SHANK2: variants seen among roughly 807,000 people sequenced by gnomAD.
SHANK2 encodes SH3 and multiple ankyrin repeat domains 2.
Under a neutral mutation model 133.7 loss-of-function variants are expected in SHANK2, and 43 were observed. The ratio of observed to expected loss-of-function variants is 0.32; its 90% confidence interval spans 0.25 to 0.41. The LOEUF (loss-of-function observed/expected upper bound fraction) is 0.41, where lower values mean the gene tolerates loss of function less well. SHANK2 is among the 10% of genes least tolerant of loss of function. The pLI, the probability that SHANK2 is intolerant of heterozygous loss-of-function variation, is 1.00. For missense variants in SHANK2, 1,994 were observed against 2,235.8 expected (o/e 0.89, Z 2.18); for synonymous variants, 1,017 against 952.8 (o/e 1.07, Z -1.24).
intron 11 of SHANK2, among the ~76,000 whole-genome samples, chr11:70,876,923 A>T (rs1555071453): frequency 6.6e-6 from 1 of 152,192 alleles, no homozygotes; most frequent in Non-Finnish European, 1.5e-5. Flanking sequence ...CCATCTGGAC[A>T]CTGGCCAACA....
chr11:70,685,342 T>A (rs1945121612), intron 15 of SHANK2, among the ~76,000 whole-genome samples: 1 of 152,010 alleles, frequency 6.6e-6, no homozygotes, highest in Non-Finnish European at 1.5e-5. Context: ...GCCTCAGAGC[T>A]CCACGGGGCC....
chr11:70,707,512 G>C (rs1351850785), intron 14 of SHANK2, among the ~76,000 whole-genome samples: 1 of 151,918 alleles, frequency 6.6e-6, no homozygotes, highest in Non-Finnish European at 1.5e-5. Context: ...GACACACGTG[G>C]ACAGACAGAG....
chr11:70,656,580 TG>T (rs1311087223), intron 17 of SHANK2, among the ~76,000 whole-genome samples: 1 of 152,128 alleles, frequency 6.6e-6, no homozygotes, highest in Non-Finnish European at 1.5e-5. Flanking sequence ...GACGGCTTAG[TG>T]TCACTGTCTA....
chr11:71,186,940 C>T (rs1396955993), intron 2 of SHANK2, among the ~76,000 whole-genome samples: 3 of 152,196 alleles, frequency 2.0e-5, no homozygotes, highest in Admixed American at 1.3e-4. Context: ...TGGTTCAAGG[C>T]GAAGTCTGTG....
chr11:70,610,744 G>A (rs77679483), intron 17 of SHANK2, among the ~76,000 whole-genome samples: 2,632 of 152,308 alleles, frequency 0.017, 65 homozygotes, highest in African/African-American at 0.061. Flanking sequence ...TGGGGCTGGC[G>A]TGCAGGAAAA....
At position 70,699,568 on chromosome 11, in the gene SHANK2, A is replaced by G. The variant is rs115912750; in HGVS notation, c.1778-805T>C. Among the ~76,000 whole-genome samples the G allele has an allele frequency of 9.5e-3, 1,450 of 152,260 alleles. 22 individuals carry two copies. The highest frequency in any genetic ancestry group is 0.033 in the African/African-American group (1,388 of 41,552). ...GAAAATGGCCCAAAGTTTAATCTAA[A>G]CTCTGTAAACAACCTTCTCTGTTGT... On this transcript the variant is annotated intron_variant, in intron 14 of 25. Coordinates refer to ENST00000601538, the MANE Select transcript of SHANK2 (RefSeq NM_012309.5).
chr11:70,912,839 G>A (rs1950216499), intron 10 of SHANK2, among the ~76,000 whole-genome samples: 1 of 152,030 alleles, frequency 6.6e-6, no homozygotes, highest in Non-Finnish European at 1.5e-5. Context: ...GTTTTATTTG[G>A]TCAGCTTCTA....
At chr11:70,789,752 C>G (rs1591847677) in intron 14 of SHANK2, among the ~76,000 whole-genome samples, 1 of 152,176 alleles carries the variant, frequency 6.6e-6, no homozygotes, top group African/African-American at 2.4e-5. Context: ...GGCTGTGAGG[C>G]CCCCACTCCT....
chr11:70,502,730 T>TGGGGGGGGG, intron 18 of SHANK2, 66 bp downstream of exon 18: 10 of 772,448 alleles, frequency 1.3e-5, no homozygotes, highest in East Asian at 1.1e-4. Context: ...CCAGCTGTCC[T>TGGGGGGGGG]GCCCGCCCCC....
chr11:70,711,830 T>C (rs1945791133), intron 14 of SHANK2, among the ~76,000 whole-genome samples: 1 of 152,240 alleles, frequency 6.6e-6, no homozygotes. Flanking sequence ...AAGCACCTTC[T>C]GGGCTCCCGG....
At chr11:71,238,583 G>A (rs533707359) in intron 1 of SHANK2, among the ~76,000 whole-genome samples, 4 of 152,312 alleles carry the variant, frequency 2.6e-5, no homozygotes, top group African/African-American at 7.2e-5. Context: ...CAAAGATGTC[G>A]AGGTAAGAGC....
In SHANK2 at chr11:70,865,654, CTT is replaced by C. The variant is rs560731644; in HGVS notation, c.1174+30845_1174+30846del. Reference sequence around the variant, plus strand: ...ACAAGCATCCATCTCCAAAATTGCTCTTGAGTCTGCTAGCAAGGAGCCACAGG... The same window carrying C: ...ACAAGCATCCATCTCCAAAATTGCTCGAGTCTGCTAGCAAGGAGCCACAGG... On this transcript the variant is annotated intron_variant, in intron 11 of 25. Coordinates refer to ENST00000601538, the MANE Select transcript of SHANK2 (RefSeq NM_012309.5). 6.6e-5 allele frequency among the ~76,000 whole-genome samples: 10 copies of C among 152,324 alleles called. No individual in the cohort carries two copies. In the South Asian group the frequency reaches 1.7e-3, roughly 25 times the overall value.
At chr11:70,570,205 G>A (rs140758138) in intron 17 of SHANK2, among the ~76,000 whole-genome samples, 3 of 152,202 alleles carry the variant, frequency 2.0e-5, no homozygotes, top group South Asian at 2.1e-4. Context: ...TGGCGGCCAC[G>A]CCGACCCGCA....
intron 17 of SHANK2, among the ~76,000 whole-genome samples, chr11:70,563,009 T>C (rs1041687094): frequency 2.0e-5 from 3 of 152,062 alleles, no homozygotes; most frequent in South Asian, 2.1e-4. Flanking sequence ...ACAGCTGGGA[T>C]TACAGGCACC....
At chr11:70,836,312 A>AGT (rs1228081009) in intron 11 of SHANK2, among the ~76,000 whole-genome samples, 1 of 152,214 alleles carries the variant, frequency 6.6e-6, no homozygotes, top group Admixed American at 6.5e-5. Context: ...GGGTGAGGAC[A>AGT]GTGCCCGCTT....
chr11:71,057,433 TAA>T (rs1950933752), intron 9 of SHANK2, among the ~76,000 whole-genome samples: 1 of 152,184 alleles, frequency 6.6e-6, no homozygotes, highest in Non-Finnish European at 1.5e-5. Flanking sequence ...AATAAAGGCT[TAA>T]AGTCTATATT....
At chr11:70,483,146 G>C (rs975072672) in intron 25 of SHANK2, among the ~76,000 whole-genome samples, 2 of 152,182 alleles carry the variant, frequency 1.3e-5, no homozygotes, top group Non-Finnish European at 2.9e-5. Flanking sequence ...ACAAGGGGAA[G>C]TGAGAGTCAG....
chr11:71,122,718 A>G (rs1952103318), intron 3 of SHANK2, among the ~76,000 whole-genome samples: 1 of 152,160 alleles, frequency 6.6e-6, no homozygotes, highest in South Asian at 2.1e-4. Context: ...ATGGGAAGGC[A>G]GAGACTGGTG....
At chr11:70,932,208 G>C (rs574056663) in intron 10 of SHANK2, among the ~76,000 whole-genome samples, 1 of 152,236 alleles carries the variant, frequency 6.6e-6, no homozygotes, top group Non-Finnish European at 1.5e-5. Context: ...GGGGAAATCT[G>C]AACAGCCGAA....
Sources: allele counts gnomAD v4.1 joint callset (sites outside exome capture counted in the v4.1 genomes callset), GRCh38; gene constraint gnomAD v4.1.1; transcripts MANE v1.5; gene names NCBI Gene and HGNC (gene_info 2026-07-23, HGNC 2026-07-21).